The following CDH1 variants were observed in gnomAD, a reference collection of about 807,000 sequenced individuals.
The protein encoded by CDH1 is cadherin 1, also known as cadherin-1.
A neutral mutation model predicts 84.5 loss-of-function variants in CDH1; 35 were observed. The observed-to-expected ratio is 0.41, with a 90% CI of 0.32 to 0.55. The LOEUF (loss-of-function observed/expected upper bound fraction) is 0.55. Ranked by LOEUF, CDH1 falls within the 20% of genes least tolerant of loss-of-function variation. The probability of loss-of-function intolerance (pLI) is 0.19; values close to 1 mark genes in which losing one functional copy is unlikely to be tolerated. For missense variants in CDH1, 994 were observed against 1,126.6 expected, an observed-to-expected ratio of 0.88 and a Z score of 1.68; for synonymous variants, 417 against 439.0, an observed-to-expected ratio of 0.95 and a Z score of 0.63.
chr16:68,814,447 C>T (rs4324118), intron 9 of CDH1: 27,223 of 152,652 alleles, frequency 0.18, 2,845 homozygotes, highest in African/African-American at 0.29. Flanking sequence ...GCTTGGGAGG[C>T]TGAAGCAGGA....
At chr16:68,749,356 T>C (rs1962830293) in intron 2 of CDH1, among the ~76,000 whole-genome samples, 1 of 152,198 alleles carries the variant, frequency 6.6e-6, no homozygotes, top group African/African-American at 2.4e-5. Context: ...TATTTGGGAA[T>C]GTCAGCTCTG....
intron 2 of CDH1, among the ~76,000 whole-genome samples, chr16:68,773,161 C>T (rs530959875): frequency 6.6e-6 from 1 of 152,226 alleles, no homozygotes; most frequent in South Asian, 2.1e-4. Flanking sequence ...ACTGAGGCAG[C>T]TGGAGAAGGT....
intron 2 of CDH1, among the ~76,000 whole-genome samples, chr16:68,771,331 C>A (rs117300597): frequency 3.3e-5 from 5 of 152,158 alleles, no homozygotes; most frequent in Non-Finnish European, 7.4e-5. Flanking sequence ...CTTTGTCACC[C>A]AAGCTGGAGT....
intron 2 of CDH1, among the ~76,000 whole-genome samples, chr16:68,752,837 T>C (rs1179269240): frequency 1.3e-5 from 2 of 152,168 alleles, no homozygotes; most frequent in African/African-American, 4.8e-5. Context: ...TAGGCAGATA[T>C]CTGAGCCCGC....
At chr16:68,817,739 C>T (rs1567509891) in intron 10 of CDH1, among the ~76,000 whole-genome samples, 1 of 145,086 alleles carries the variant, frequency 6.9e-6, no homozygotes, top group East Asian at 1.9e-4. Flanking sequence ...AAGGGGCATG[C>T]TACAAAACAA....
intron 1 of CDH1, among the ~76,000 whole-genome samples, 158 bp downstream of exon 1, chr16:68,737,621 AC>A (rs1962435478): frequency 6.6e-6 from 1 of 151,878 alleles, no homozygotes; most frequent in African/African-American, 2.4e-5. Context: ...CGCGCTCCGG[AC>A]CCCCCAGTGA....
intron 11 of CDH1, among the ~76,000 whole-genome samples, chr16:68,821,547 C>T (rs1301452953): frequency 6.6e-6 from 1 of 150,942 alleles, no homozygotes; most frequent in East Asian, 1.9e-4. Flanking sequence ...AAAGACCCAA[C>T]TCATCCCCTT....
At chr16:68,813,194 T>A in intron 8 of CDH1, 119 bp from the exon 9 acceptor site, 2 of 1,024,396 alleles carry the variant, frequency 2.0e-6, no homozygotes, top group Admixed American at 3.7e-5. Context: ...TCCAGCCTGG[T>A]GACAGTGAGA....
chr16:68,801,125 T>A (rs1567500794), intron 2 of CDH1, among the ~76,000 whole-genome samples: 1 of 152,182 alleles, frequency 6.6e-6, no homozygotes, highest in Non-Finnish European at 1.5e-5. Context: ...ATTTATTTAT[T>A]TTTTGAGATG....
chr16:68,815,055 G>A (rs1173736589), intron 9 of CDH1, among the ~76,000 whole-genome samples: 6 of 151,968 alleles, frequency 3.9e-5, no homozygotes, highest in African/African-American at 1.2e-4. Context: ...GTGAAACGTC[G>A]TCTCTACTAA....
chr16:68,749,922 G>A (rs1427637469), intron 2 of CDH1, among the ~76,000 whole-genome samples: 1 of 152,020 alleles, frequency 6.6e-6, no homozygotes, highest in Non-Finnish European at 1.5e-5. Context: ...TCTTCCCTTC[G>A]GAGAAGCTGT....
intron 2 of CDH1, chr16:68,771,235 ATCT>A (rs1463394388): frequency 2.6e-5 from 4 of 152,070 alleles, no homozygotes; most frequent in East Asian, 3.9e-4. Context: ...GCAGGCTCTG[ATCT>A]TCTTTTTCAG....
intron 2 of CDH1, among the ~76,000 whole-genome samples, chr16:68,780,633 A>G (rs528832952): frequency 1.3e-3 from 196 of 152,238 alleles, no homozygotes; most frequent in African/African-American, 4.5e-3. Context: ...ACCTTATTGT[A>G]TGTTTTTGGC....
Position 68,758,234 on chromosome 16 carries a change from TGAGAGA to T in CDH1, c.163+19840_163+19845del, listed in dbSNP as rs1555511444. ...TTTTTTTTTTTTTTTTTTTTTTTTT[TGAGAGA>T]GAGAGAGAGAGAGAGACCCAAATGG... On this transcript the variant is annotated intron_variant, in intron 2 of 15. Coordinates refer to ENST00000261769, the MANE Select transcript of CDH1 (RefSeq NM_004360.5). Among the ~76,000 whole-genome samples, 191 of 116,902 alleles carry T rather than the reference TGAGAGA, an allele frequency of 1.6e-3. 2 individuals carry two copies. Among genetic ancestry groups the T allele is most frequent in the African/African-American group, 5.5e-3 (175 of 31,714 alleles). 76.7% of individuals were successfully genotyped at this position (116,902 alleles called of 152,430 possible).
chr16:68,789,677 T>TCC (rs947530041), intron 2 of CDH1, among the ~76,000 whole-genome samples: 4 of 152,140 alleles, frequency 2.6e-5, no homozygotes, highest in African/African-American at 9.7e-5. Flanking sequence ...CCAGAAGAAA[T>TCC]CCCTCACTCC....
chr16:68,816,604 C>T (rs1960992684), intron 10 of CDH1, among the ~76,000 whole-genome samples: 1 of 152,138 alleles, frequency 6.6e-6, no homozygotes, highest in African/African-American at 2.4e-5. Flanking sequence ...AAGAAATTAG[C>T]TGGGCATGGT....
intron 2 of CDH1, among the ~76,000 whole-genome samples, chr16:68,782,795 A>C (rs566546135): frequency 3.9e-5 from 6 of 152,004 alleles, no homozygotes; most frequent in African/African-American, 1.4e-4. Flanking sequence ...CTCACCCCAC[A>C]CAGGGTTCCT....
chr16:68,821,145 CGT>C (rs1961131793), intron 11 of CDH1, among the ~76,000 whole-genome samples: 1 of 151,988 alleles, frequency 6.6e-6, no homozygotes, highest in East Asian at 1.9e-4. Context: ...CCATATGCTC[CGT>C]GTTGTGTCAA....
chr16:68,768,135 A>G (rs28608872), intron 2 of CDH1, among the ~76,000 whole-genome samples: 45,100 of 151,876 alleles, frequency 0.3, 6,798 homozygotes, highest in Middle Eastern at 0.34. Flanking sequence ...TAGTAGAGAC[A>G]AGGTTTCTCC....
Sources: gnomAD v4.1 joint callset for allele counts (sites outside exome capture counted in the v4.1 genomes callset) on GRCh38, gnomAD v4.1.1 for gene constraint, MANE v1.5 for transcripts, NCBI Gene and HGNC (gene_info 2026-07-23, HGNC 2026-07-21) for gene names.